DLC1: variants seen among roughly 807,000 people sequenced by gnomAD.
DLC1 encodes the protein DLC1 Rho GTPase activating protein, also known as rho GTPase-activating protein 7.
Under a neutral mutation model 140.3 loss-of-function variants are expected in DLC1, and 54 were observed. That is an observed-to-expected ratio of 0.38 (90% CI 0.31 to 0.48). The LOEUF is 0.48. Ranked by LOEUF, DLC1 falls within the 20% of genes least tolerant of loss-of-function variation. The pLI is 0.96. For synonymous variants in DLC1, 986 were observed against 728.1 expected, an observed-to-expected ratio of 1.35 and a Z score of -5.70; for missense variants, 2,536 against 1,907.0, an observed-to-expected ratio of 1.33 and a Z score of -6.14.
intron 5 of DLC1, among the ~76,000 whole-genome samples, chr8:13,122,808 A>AC: frequency 6.6e-6 from 1 of 152,038 alleles, no homozygotes; most frequent in Non-Finnish European, 1.5e-5. Context: ...GTCTGAAAAA[A>AC]AAAAAAAAAA....
intron 3 of DLC1, among the ~76,000 whole-genome samples, chr8:13,399,571 C>T (rs936959490): frequency 2.6e-5 from 4 of 152,122 alleles, no homozygotes; most frequent in Non-Finnish European, 4.4e-5. Context: ...ATGAGATTGG[C>T]TATCTCAGCG....
intron 2 of DLC1, among the ~76,000 whole-genome samples, chr8:13,458,857 A>G (rs1799531815): frequency 1.3e-5 from 2 of 151,968 alleles, no homozygotes; most frequent in African/African-American, 2.4e-5. Flanking sequence ...GCTTATGACT[A>G]TTGTTAAAAA....
At chr8:13,448,345 T>TTTCTTCTTCTTC (rs146892447) in intron 2 of DLC1, among the ~76,000 whole-genome samples, 4 of 146,784 alleles carry the variant, frequency 2.7e-5, no homozygotes, top group African/African-American at 1.0e-4. Context: ...TCTTTTAAAA[T>TTTCTTCTTCTTC]TTCTTCTTCT....
intron 2 of DLC1, among the ~76,000 whole-genome samples, chr8:13,411,147 T>G (rs2117297005): frequency 6.6e-6 from 1 of 152,332 alleles, no homozygotes; most frequent in South Asian, 2.1e-4. Context: ...TCATACTTGC[T>G]GAAGGTTGAA....
At chr8:13,406,189 T>TTTTTTTTTTTTTTTTTTTTTG (rs1837554034) in intron 2 of DLC1, among the ~76,000 whole-genome samples, 1 of 132,202 alleles carries the variant, frequency 7.6e-6, no homozygotes, top group Non-Finnish European at 1.6e-5. Context: ...GTGTTTTTTT[T>TTTTTTTTTTTTTTTTTTTTTG]TTTTTTTTTC....
In DLC1 at chr8:13,115,659, TAGAAC is replaced by T. The variant is rs1405771723; in HGVS notation, c.1349-7_1349-3del. On this transcript the variant is annotated splice_region_variant and splice_polypyrimidine_tract_variant and intron_variant, in intron 5 of 17. Coordinates refer to ENST00000276297, the MANE Select transcript of DLC1 (RefSeq NM_182643.3). ...CACAAGCTTCCTTGGCTTCAATTTC[TAGAAC>T]AGAACAGAAGAAAGACAAAATTAGC... 6 of 1,614,052 alleles carry T rather than the reference TAGAAC, an allele frequency of 3.7e-6. No homozygotes were observed. Among genetic ancestry groups the T allele is most frequent in the South Asian group, 1.1e-5 (1 of 91,050 alleles).
At chr8:13,443,659 A>G (rs1352173750) in intron 2 of DLC1, among the ~76,000 whole-genome samples, 1 of 139,166 alleles carries the variant, frequency 7.2e-6, no homozygotes, top group Non-Finnish European at 1.5e-5. Context: ...CTCCGTCTCA[A>G]AAAAAAAAAA....
intron 2 of DLC1, among the ~76,000 whole-genome samples, chr8:13,406,784 C>G (rs1837583884): frequency 6.6e-6 from 1 of 152,158 alleles, no homozygotes; most frequent in South Asian, 2.1e-4. Flanking sequence ...TCTATATACC[C>G]TCTTTAAAGC....
chr8:13,478,460 A>G (rs919159763), intron 2 of DLC1, among the ~76,000 whole-genome samples: 2 of 152,186 alleles, frequency 1.3e-5, no homozygotes, highest in African/African-American at 4.8e-5. Context: ...ATGTCAGTGC[A>G]TATTCTTCAC....
At chr8:13,450,061 G>T (rs1275867822) in intron 2 of DLC1, among the ~76,000 whole-genome samples, 1 of 151,592 alleles carries the variant, frequency 6.6e-6, no homozygotes, top group Non-Finnish European at 1.5e-5. Flanking sequence ...TCCTTATTTA[G>T]TAAAATAAAT....
intron 12 of DLC1, among the ~76,000 whole-genome samples, chr8:13,093,524 T>G (rs1818260620): frequency 6.6e-6 from 1 of 152,140 alleles, no homozygotes; most frequent in Non-Finnish European, 1.5e-5. Context: ...CCATAAACAA[T>G]CTACAGGTAG....
intron 2 of DLC1, among the ~76,000 whole-genome samples, chr8:13,429,158 C>T (rs2117383498): frequency 6.6e-6 from 1 of 152,302 alleles, no homozygotes; most frequent in South Asian, 2.1e-4. Flanking sequence ...TATCAAACAC[C>T]TGTATCAGAA....
intron 2 of DLC1, among the ~76,000 whole-genome samples, chr8:13,497,377 T>C (rs902871202): frequency 6.6e-6 from 1 of 152,244 alleles, no homozygotes; most frequent in African/African-American, 2.4e-5. Context: ...TTTCATTTAA[T>C]CTATTTATTA....
intron 5 of DLC1, among the ~76,000 whole-genome samples, chr8:13,144,816 C>G (rs1162399402): frequency 6.6e-6 from 1 of 152,174 alleles, no homozygotes; most frequent in African/African-American, 2.4e-5. Context: ...ATCTATTTAT[C>G]TGTCCTACTG....
intron 5 of DLC1, among the ~76,000 whole-genome samples, chr8:13,187,734 C>G (rs1019660264): frequency 7.2e-5 from 11 of 152,106 alleles, no homozygotes; most frequent in African/African-American, 2.7e-4. Flanking sequence ...CGGGAATACT[C>G]GAGGCGTTCA....
At chr8:13,451,071 A>AAAAAAG (rs1585129578) in intron 2 of DLC1, among the ~76,000 whole-genome samples, 1 of 149,472 alleles carries the variant, frequency 6.7e-6, no homozygotes, top group East Asian at 1.9e-4. Context: ...AAAAAAAAGA[A>AAAAAAG]AAAAAGAAAA....
At chr8:13,462,400 T>C (rs956563517) in intron 2 of DLC1, among the ~76,000 whole-genome samples, 1 of 149,144 alleles carries the variant, frequency 6.7e-6, no homozygotes, top group East Asian at 1.9e-4. Context: ...ACTATTCTTT[T>C]TTTTTTTTTT....
At chr8:13,186,830 G>A (rs544153641) in intron 5 of DLC1, among the ~76,000 whole-genome samples, 46 of 152,302 alleles carry the variant, frequency 3.0e-4, no homozygotes, top group African/African-American at 9.6e-4. Context: ...TACAGATGGG[G>A]TTTTGATGTA....
At chr8:13,590,181 T>A (rs1805471985) in intron 1 of DLC1, among the ~76,000 whole-genome samples, 1 of 151,952 alleles carries the variant, frequency 6.6e-6, no homozygotes, top group African/African-American at 2.4e-5. Context: ...ATATTTACAG[T>A]ATTAAGGACT....
Sources: allele counts gnomAD v4.1 joint callset (sites outside exome capture counted in the v4.1 genomes callset), GRCh38; gene constraint gnomAD v4.1.1; transcripts MANE v1.5; gene names NCBI Gene and HGNC (gene_info 2026-07-23, HGNC 2026-07-21).